CDH13: variants seen among roughly 807,000 people sequenced by gnomAD.
CDH13 encodes cadherin-13.
CDH13 carries 24 observed loss-of-function variants against 63.8 expected under a neutral mutation model. The observed-to-expected ratio is 0.38, with a 90% CI of 0.27 to 0.53. The LOEUF (loss-of-function observed/expected upper bound fraction) is 0.53, where lower values mean the gene tolerates loss of function less well. Ranked by LOEUF, CDH13 falls within the 20% of genes least tolerant of loss-of-function variation. The pLI, the probability that CDH13 is intolerant of heterozygous loss-of-function variation, is 0.85. For missense variants in CDH13, 1,049 were observed against 903.1 expected, an observed-to-expected ratio of 1.16 and a Z score of -2.07; for synonymous variants, 503 against 355.3, an observed-to-expected ratio of 1.42 and a Z score of -4.67.
chr16:82,991,277 A>T (rs1911623690), intron 2 of CDH13, among the ~76,000 whole-genome samples: 1 of 152,362 alleles, frequency 6.6e-6, no homozygotes, highest in Non-Finnish European at 1.5e-5. Flanking sequence ...TCACATTTGC[A>T]ATAATTTTGG....
intron 1 of CDH13, among the ~76,000 whole-genome samples, chr16:82,741,181 G>T (rs763240483): frequency 6.6e-6 from 1 of 152,108 alleles, no homozygotes; most frequent in African/African-American, 2.4e-5. Context: ...GTGAATCCCT[G>T]TTGCCATTGA....
intron 6 of CDH13, among the ~76,000 whole-genome samples, chr16:83,460,293 CAG>C (rs1222922179): frequency 1.3e-5 from 2 of 152,208 alleles, no homozygotes; most frequent in Admixed American, 6.5e-5. Flanking sequence ...GACTGCTGTT[CAG>C]AGAGTAAATT....
chr16:83,535,515 A>G (rs1183427772), intron 7 of CDH13, among the ~76,000 whole-genome samples: 2 of 152,208 alleles, frequency 1.3e-5, no homozygotes, highest in Non-Finnish European at 2.9e-5. Flanking sequence ...GGAAGAGGAC[A>G]GTCACAGGCA....
At chr16:83,228,550 G>A (rs1460468014) in intron 5 of CDH13, among the ~76,000 whole-genome samples, 3 of 152,220 alleles carry the variant, frequency 2.0e-5, no homozygotes, top group Non-Finnish European at 2.9e-5. Context: ...TACAGGTTCA[G>A]CCTTCGGAAG....
intron 2 of CDH13, among the ~76,000 whole-genome samples, chr16:82,916,262 G>A (rs16958849): frequency 0.075 from 11,359 of 152,132 alleles, 545 homozygotes; most frequent in African/African-American, 0.13. Context: ...TGAGAGATTC[G>A]TGTAAAATGA....
intron 3 of CDH13, among the ~76,000 whole-genome samples, chr16:83,040,984 C>G (rs1335285259): frequency 6.6e-6 from 1 of 152,174 alleles, no homozygotes; most frequent in Non-Finnish European, 1.5e-5. Flanking sequence ...TACACCATCA[C>G]CACTCTTATT....
chr16:82,936,165 G>C (rs1301628114), intron 2 of CDH13, among the ~76,000 whole-genome samples: 3 of 152,102 alleles, frequency 2.0e-5, no homozygotes, highest in Non-Finnish European at 2.9e-5. Flanking sequence ...CTAGTCCTTA[G>C]TTCCTGCCAG....
chr16:83,581,426 C>T (rs1905586042), intron 7 of CDH13, among the ~76,000 whole-genome samples: 1 of 152,178 alleles, frequency 6.6e-6, no homozygotes, highest in Admixed American at 6.5e-5. Flanking sequence ...CACTTGCTAC[C>T]TCCTTTTTCT....
At chr16:83,739,194 T>C (rs1911824897) in intron 10 of CDH13, among the ~76,000 whole-genome samples, 1 of 152,142 alleles carries the variant, frequency 6.6e-6, no homozygotes, top group Admixed American at 6.5e-5. Context: ...TGAATATCTG[T>C]TTTCCCCCTG....
At chr16:83,085,146 C>T (rs1203620725) in intron 3 of CDH13, among the ~76,000 whole-genome samples, 1 of 151,720 alleles carries the variant, frequency 6.6e-6, no homozygotes, top group African/African-American at 2.4e-5. Context: ...ACTTACAGTT[C>T]CACATGGCTG....
At chr16:83,577,707 C>T (rs1431921527) in intron 7 of CDH13, among the ~76,000 whole-genome samples, 4 of 152,160 alleles carry the variant, frequency 2.6e-5, no homozygotes, top group Non-Finnish European at 1.5e-5. Flanking sequence ...ATGGATGCAC[C>T]TTGTGATACA....
chr16:83,195,981 C>G (rs925667987), intron 4 of CDH13, among the ~76,000 whole-genome samples: 16 of 152,138 alleles, frequency 1.1e-4, no homozygotes, highest in African/African-American at 3.9e-4. Flanking sequence ...GTGGTCCAGG[C>G]CCAGTAGCTC....
In CDH13 at chr16:83,047,759, G is replaced by T. The variant is rs769857590; in HGVS notation, c.366+15541G>T. On this transcript the variant is annotated intron_variant, in intron 3 of 13. Transcript: ENST00000567109. This position sits in a 1 kb window ranked among gnomAD's most constrained non-coding sequence, Gnocchi z 4.9. ...AATATTGATATTAATAATGCAGATC[G>T]TAGTCAATTTATTTAGCTCAAACGT... Among the ~76,000 whole-genome samples, 2 of 152,158 alleles carry T rather than the reference G, an allele frequency of 1.3e-5. No homozygotes were observed. Among genetic ancestry groups the T allele is most frequent in the Non-Finnish European group, 2.9e-5 (2 of 68,034 alleles).
intron 1 of CDH13, among the ~76,000 whole-genome samples, chr16:82,812,817 T>TCCTTCCTTCCTC (rs1256918211): frequency 3.3e-5 from 5 of 152,072 alleles, no homozygotes; most frequent in South Asian, 2.1e-4. Context: ...CCTTTTTCCT[T>TCCTTCCTTCCTC]CCTTCCTTCC....
At chr16:83,038,867 G>C (rs1648038690) in intron 3 of CDH13, among the ~76,000 whole-genome samples, 3 of 152,180 alleles carry the variant, frequency 2.0e-5, no homozygotes, top group African/African-American at 7.2e-5. Context: ...CTTGTAGCTT[G>C]CCTGATTATA....
intron 1 of CDH13, among the ~76,000 whole-genome samples, chr16:82,700,195 C>A (rs2030812420): frequency 6.6e-6 from 1 of 152,176 alleles, no homozygotes. Flanking sequence ...TGCGGGACTT[C>A]TCAGAGGCTT....
At chr16:83,487,230 C>G (rs944013827) in intron 7 of CDH13, among the ~76,000 whole-genome samples, 1 of 152,252 alleles carries the variant, frequency 6.6e-6, no homozygotes, top group Non-Finnish European at 1.5e-5. Flanking sequence ...AGTCAGTCCA[C>G]ATGCCTGCTC....
intron 2 of CDH13, among the ~76,000 whole-genome samples, chr16:82,883,972 C>A (rs1326090057): frequency 3.9e-5 from 6 of 152,272 alleles, no homozygotes; most frequent in Middle Eastern, 3.4e-3. Context: ...TCAGTTTCCT[C>A]CTCTGTAAAA....
chr16:83,560,894 G>A (rs116414132), intron 7 of CDH13, among the ~76,000 whole-genome samples: 1,288 of 111,920 alleles, frequency 0.012, 21 homozygotes, highest in African/African-American at 0.037. Flanking sequence ...TGTACCATAA[G>A]GTTGGCCCCC....
Sources: gnomAD v4.1 joint callset for allele counts (sites outside exome capture counted in the v4.1 genomes callset) on GRCh38, gnomAD v4.1.1 for gene constraint, Gnocchi (gnomAD v3.1) non-coding constraint, MANE v1.5 for transcripts, NCBI Gene and HGNC (gene_info 2026-07-23, HGNC 2026-07-21) for gene names.